Variants in ZFYVE26 observed in about 807,000 individuals in gnomAD.
ZFYVE26 encodes zinc finger FYVE-type containing 26.
Under a neutral mutation model 276.5 loss-of-function variants are expected in ZFYVE26, and 181 were observed. The observed-to-expected ratio is 0.65, with a 90% confidence interval of 0.58 to 0.74. The LOEUF (loss-of-function observed/expected upper bound fraction) is 0.74, where lower values mean the gene tolerates loss of function less well. ZFYVE26 is among the 30% of genes least tolerant of loss of function. The pLI, the probability that ZFYVE26 is intolerant of heterozygous loss-of-function variation, is 0.00. For synonymous variants in ZFYVE26, 1,129 were observed against 1,203.1 expected (o/e 0.94, Z 1.27); for missense variants, 2,821 against 3,097.9 (o/e 0.91, Z 2.12).
At chr14:67,736,067 A>G (rs983951010) in intron 13 of ZFYVE26, among the ~76,000 whole-genome samples, 12 of 152,218 alleles carry the variant, frequency 7.9e-5, no homozygotes, top group African/African-American at 2.4e-4. Context: ...TAAGTCCCAA[A>G]CCATGCAATA....
At chr14:67,793,576 T>C in intron 14 of ZFYVE26, 32 bp downstream of exon 14, 1 of 1,609,934 alleles carries the variant, frequency 6.2e-7, no homozygotes, top group Non-Finnish European at 8.5e-7. Context: ...GCTAAGTCAT[T>C]CAGGGGCTGA....
chr14:67,775,779 AG>A (rs1442845752), intron 26 of ZFYVE26, 80 bp downstream of exon 26: 1 of 1,606,570 alleles, frequency 6.2e-7, no homozygotes, highest in African/African-American at 1.3e-5. Context: ...AAATATTAAA[AG>A]GGGAGCAAAT....
rs863224770 is a variant in ZFYVE26, at chr14:67,755,943, A to G, written c.6786+5T>C. On this transcript the variant is annotated splice_donor_5th_base_variant and intron_variant, in intron 36 of 41. Coordinates refer to ENST00000347230, the MANE Select transcript of ZFYVE26 (RefSeq NM_015346.4). Reference sequence around the variant, plus strand: ...AGGTAGAAGGCAGGAAGGGGCTGCCATTACCTTCATAAACTGCTGCAGCTC... The same window carrying G: ...AGGTAGAAGGCAGGAAGGGGCTGCCGTTACCTTCATAAACTGCTGCAGCTC... 6.2e-7 allele frequency: 1 copy of G among 1,614,098 alleles called. No homozygotes were observed. The highest frequency in any genetic ancestry group is 8.5e-7 in the Non-Finnish European group (1 of 1,180,044).
chr14:67,784,520 T>A, intron 19 of ZFYVE26, 84 bp from the exon 20 acceptor site: 1 of 1,238,590 alleles, frequency 8.1e-7, no homozygotes, highest in Non-Finnish European at 1.2e-6. Flanking sequence ...GAGAAAAAAG[T>A]ACAGTGTCAA....
chr14:67,745,328 T>C (rs1178353163), downstream of ZFYVE26, among the ~76,000 whole-genome samples: 2 of 152,202 alleles, frequency 1.3e-5, no homozygotes, highest in Non-Finnish European at 2.9e-5. Flanking sequence ...ATGGATAGAT[T>C]TAAAAAAATC....
At chr14:67,759,524 T>G (rs1015166842) in intron 35 of ZFYVE26, among the ~76,000 whole-genome samples, 6 of 148,136 alleles carry the variant, frequency 4.1e-5, no homozygotes, top group African/African-American at 1.5e-4. Flanking sequence ...ATCAGGAGTC[T>G]GAGGCAGGAG....
At chr14:67,799,889 T>C (rs1353070625) in intron 10 of ZFYVE26, among the ~76,000 whole-genome samples, 1 of 152,152 alleles carries the variant, frequency 6.6e-6, no homozygotes, top group Non-Finnish European at 1.5e-5. Context: ...CTTGCCTCCA[T>C]GGATCTTCTG....
chr14:67,810,337 T>A (rs1298858000), intron 3 of ZFYVE26, among the ~76,000 whole-genome samples: 1 of 152,178 alleles, frequency 6.6e-6, no homozygotes, highest in Non-Finnish European at 1.5e-5. Flanking sequence ...TCATTCACTA[T>A]CCTTTGCATA....
chr14:67,794,773 C>T lies in ZFYVE26; in HGVS notation c.2333-534G>A, dbSNP rs537121379. On this transcript the variant is annotated intron_variant, in intron 12 of 41. Transcript: ENST00000347230. ...CAGCCTGGGCAACACTGCAAGACCC[C>T]GTCTACACAAAAAATTAAAAACAAA... Among the ~76,000 whole-genome samples, 9 of 151,986 alleles carry T rather than the reference C, an allele frequency of 5.9e-5. No individual in the cohort carries two copies. The South Asian group carries it at 1.2e-3, about 21-fold the overall frequency.
chr14:67,784,318 TG>T lies in ZFYVE26; in HGVS notation c.3626+15del, dbSNP rs1294884495. The T allele has an allele frequency of 1.2e-6, 2 of 1,608,668 alleles. No individual in the cohort carries two copies. The highest frequency in any genetic ancestry group is 2.7e-5 in the African/African-American group (2 of 74,934). ...TCCGAAGGCCCATGGCTGACTTGCA[TG>T]GAGGTGGCTCCTACCTCTCTGGGGG... On this transcript the variant is annotated intron_variant, in intron 20 of 41. Coordinates refer to ENST00000347230, the MANE Select transcript of ZFYVE26 (RefSeq NM_015346.4).
chr14:67,812,692 T>C (rs1270902810), intron 3 of ZFYVE26, among the ~76,000 whole-genome samples: 3 of 152,222 alleles, frequency 2.0e-5, no homozygotes, highest in Admixed American at 1.3e-4. Context: ...CCTGACATAG[T>C]TGAGCAACTG....
intron 4 of ZFYVE26, 83 bp from the exon 5 acceptor site, chr14:67,808,003 T>C: frequency 6.6e-7 from 1 of 1,510,578 alleles, no homozygotes; most frequent in Non-Finnish European, 9.1e-7. Flanking sequence ...TTCCTCTTTT[T>C]CAGTTTACTT....
intron 27 of ZFYVE26, among the ~76,000 whole-genome samples, chr14:67,772,572 GAC>G (rs2140208130): frequency 1.3e-5 from 2 of 152,254 alleles, no homozygotes; most frequent in East Asian, 3.8e-4. Flanking sequence ...CAAATGACTA[GAC>G]TCCTCCACAA....
At chr14:67,779,307 AATCCCAGC>A (rs1447898683) in intron 23 of ZFYVE26, among the ~76,000 whole-genome samples, 1 of 152,222 alleles carries the variant, frequency 6.6e-6, no homozygotes, top group Non-Finnish European at 1.5e-5. Context: ...TCATGCCTGT[AATCCCAGC>A]ACCTTGGGAG....
intron 29 of ZFYVE26, among the ~76,000 whole-genome samples, chr14:67,768,797 G>A (rs1397237919): frequency 6.6e-6 from 1 of 152,152 alleles, no homozygotes; most frequent in African/African-American, 2.4e-5. Flanking sequence ...AAACTGTAGA[G>A]TAAGTATGGT....
chr14:67,730,822 T>C (rs2038260506), intron 13 of ZFYVE26, among the ~76,000 whole-genome samples: 1 of 152,194 alleles, frequency 6.6e-6, no homozygotes, highest in Non-Finnish European at 1.5e-5. Context: ...CAGGCTGGTC[T>C]TGAACTCCTG....
intron 13 of ZFYVE26, among the ~76,000 whole-genome samples, chr14:67,734,860 A>G (rs1267336970): frequency 6.6e-6 from 1 of 152,218 alleles, no homozygotes; most frequent in African/African-American, 2.4e-5. Context: ...CCACTTGCAG[A>G]ATGCATCATT....
At chr14:67,742,983 G>C (rs1271369593), downstream of ZFYVE26, among the ~76,000 whole-genome samples, 2 of 150,738 alleles carry the variant, frequency 1.3e-5, no homozygotes, top group East Asian at 3.9e-4. Context: ...GGTACTACAG[G>C]TGCCCACCAC....
At chr14:67,730,302 CCACTAGCCA>C (rs1855134669) in intron 13 of ZFYVE26, among the ~76,000 whole-genome samples, 1 of 152,174 alleles carries the variant, frequency 6.6e-6, no homozygotes, top group South Asian at 2.1e-4. Flanking sequence ...AGTATGGTAG[CCACTAGCCA>C]CATGTTGCTA....
Sources: allele counts gnomAD v4.1 joint callset (sites outside exome capture counted in the v4.1 genomes callset), GRCh38; gene constraint gnomAD v4.1.1; transcripts MANE v1.5; gene names NCBI Gene and HGNC (gene_info 2026-07-23, HGNC 2026-07-21).